The following HES1 variants were observed in gnomAD, a reference collection of about 807,000 sequenced individuals.
The protein encoded by HES1 is transcription factor HES-1.
In HES1, 7 loss-of-function variants were observed where a neutral mutation model predicts 21.0. The observed-to-expected ratio is 0.33, with a 90% confidence interval of 0.19 to 0.63. The LOEUF (loss-of-function observed/expected upper bound fraction) is 0.63. Among genes scored for constraint, HES1 ranks in the 20% least tolerant of loss-of-function variants. The pLI is 0.78. For missense variants in HES1, 338 were observed against 389.8 expected, an observed-to-expected ratio of 0.87 and a Z score of 1.12; for synonymous variants, 169 against 171.2, an observed-to-expected ratio of 0.99 and a Z score of 0.10.
In HES1 at chr3:194,138,714, G is replaced by A. The variant is rs989250386; in HGVS notation, c.*481G>A. ...GGAATTGACTCTTTTGTTATTAAAA[G>A]AACATTTGTAAAAATCCATCAAACT... is the stretch of plus-strand genomic sequence containing the variant. On this transcript the variant is annotated 3_prime_UTR_variant, in exon 4 of 4. Coordinates refer to ENST00000232424, the MANE Select transcript of HES1 (RefSeq NM_005524.4). The A allele has an allele frequency of 6.6e-6, 1 of 152,392 alleles. No individual in the cohort carries two copies. Among genetic ancestry groups the A allele is most frequent in the Non-Finnish European group, 1.5e-5 (1 of 68,176 alleles). The allele number at this position is 152,392 out of a possible 1,614,324, so 9.4% of individuals were successfully genotyped here.
rs952818317 is a variant in HES1 at position 194,137,224 on chromosome 3, G to C, written c.292+176G>C. 1.1e-5 allele frequency: 7 copies of C among 648,724 alleles called. No individual in the cohort carries two copies. In the South Asian group the frequency reaches 1.1e-4, roughly 10 times the overall value. 40.2% of individuals were successfully genotyped at this position (648,724 alleles called of 1,614,324 possible). ...ATAGCCACAACTCCAAGTTGTTACT[G>C]TTCCGGAAAGGGAGGGAAAGAGGTT... On this transcript the variant is annotated intron_variant, in intron 3 of 3. Coordinates refer to ENST00000232424, the MANE Select transcript of HES1 (RefSeq NM_005524.4). This position sits in a 1 kb window ranked among gnomAD's most constrained non-coding sequence, Gnocchi z 5.4.
At position 194,138,145 on chromosome 3, in the gene HES1, G is replaced by A. The variant is rs1715394632; in HGVS notation, c.755G>A (p.Ser252Asn). ...GTCATCCCCGTCTACACCAGCAACA[G>A]CGGCACCTCCGTGGGCCCCAACGCA... The part of the protein sequence containing the change: ...GPVIPVYTSN[S>N]GTSVGPNAVS... The change falls in exon 4 of 4, where the codon AGC (serine) becomes AAC (asparagine). Residue 252 changes from serine (S) to asparagine (N), a missense_variant. Transcript: ENST00000232424. 1 of 1,612,582 alleles carries A rather than the reference G, an allele frequency of 6.2e-7. No homozygotes were observed. The highest frequency in any genetic ancestry group is 1.7e-5 in the Admixed American group (1 of 59,830).
In HES1 at chr3:194,136,375, A is replaced by AAAAT; in HGVS notation, c.-6_-5insAAAT. 4 of 1,512,130 alleles carry AAAAT rather than the reference A, an allele frequency of 2.6e-6. No homozygotes were observed. Among genetic ancestry groups the AAAAT allele is most frequent in the Non-Finnish European group, 3.6e-6 (4 of 1,121,550 alleles). 93.7% of individuals were successfully genotyped at this position (1,512,130 alleles called of 1,614,324 possible). ...CTCTAGAGATAAAAAAAAAAAAAAA[A>AAAAT]GGAAAATGCCAGCTGATATAATGGA... is the stretch of plus-strand genomic sequence containing the variant. On this transcript the variant is annotated 5_prime_UTR_variant, in exon 1 of 4. The change creates a new upstream start codon in the 5' untranslated region. Transcript: ENST00000232424.
In HES1 at chr3:194,137,116, T is replaced by A; in HGVS notation, c.292+68T>A. The A allele has an allele frequency of 7.3e-7, 1 of 1,366,860 alleles. No homozygotes were observed. Among genetic ancestry groups the A allele is most frequent in the Non-Finnish European group, 1.0e-6 (1 of 956,228 alleles). The allele number at this position is 1,366,860 out of a possible 1,614,324, so 84.7% of individuals were successfully genotyped here. On this transcript the variant is annotated intron_variant, in intron 3 of 3. Coordinates refer to ENST00000232424, the MANE Select transcript of HES1 (RefSeq NM_005524.4). This position sits in a 1 kb window ranked among gnomAD's most constrained non-coding sequence, Gnocchi z 5.4. Reference sequence around the variant, plus strand: ...CGCCTCGCGGTGATTTCTTCCAGACTTCCGCCCGTGGTTGTGAGAGGCATT... The same window carrying A: ...CGCCTCGCGGTGATTTCTTCCAGACATCCGCCCGTGGTTGTGAGAGGCATT...
Position 194,136,979 on chromosome 3 carries a change from C to T in HES1, c.223C>T (p.Leu75=), listed in dbSNP as rs1404457891. ...LKKDSSRHSK[L]EKADILEMTV... ...TATGCAGAGCTCGCGGCATTCCAAGCTGGAGAAGGCGGACATTCTGGAAAT... is the reference window on the plus strand; with the variant it reads ...TATGCAGAGCTCGCGGCATTCCAAGTTGGAGAAGGCGGACATTCTGGAAAT... The change falls in exon 3 of 4, where the codon CTG becomes TTG. Residue 75 remains leucine, a synonymous_variant. Transcript: ENST00000232424. 3.1e-6 allele frequency: 5 copies of T among 1,614,242 alleles called. No individual in the cohort carries two copies. The South Asian group carries it at 4.4e-5, about 14-fold the overall frequency.
At chr3:194,136,762 C>G (rs752003910) in intron 2 of HES1, 50 bp downstream of exon 2, 2 of 1,528,154 alleles carry the variant, frequency 1.3e-6, no homozygotes, top group African/African-American at 1.4e-5. Flanking sequence ...CAAACACTTT[C>G]TCAGCTACTA....
Position 194,137,635 on chromosome 3 carries a change from CG to C in HES1, c.293-44del. 6.7e-7 allele frequency: 1 copy of C among 1,496,272 alleles called. No homozygotes were observed. The highest frequency in any genetic ancestry group is 1.4e-5 in the South Asian group (1 of 72,284). 92.7% of individuals were successfully genotyped at this position (1,496,272 alleles called of 1,614,324 possible). A position where few individuals can be genotyped will look rare whatever the true frequency, so the allele number is the denominator to read the frequency against. On this transcript the variant is annotated intron_variant, in intron 3 of 3. Coordinates refer to ENST00000232424, the MANE Select transcript of HES1 (RefSeq NM_005524.4). This position sits in a 1 kb window ranked among gnomAD's most constrained non-coding sequence, Gnocchi z 5.4. Reference sequence around the variant, plus strand: ...CCTCCCAGGGCGGAGGCAGTGGCCACGGGGCCAGGGCCGTTCGGTGACCCGT... The same window carrying C: ...CCTCCCAGGGCGGAGGCAGTGGCCACGGGCCAGGGCCGTTCGGTGACCCGT...
Position 194,137,838 on chromosome 3 carries a change from A to G in HES1, c.448A>G (p.Ile150Val). ...CCACCTGGCCAACTGCATGACCCAG[A>G]TCAATGCCATGACCTACCCCGGGCA... ...LGHLANCMTQ[I>V]NAMTYPGQPH... Residue 150 changes from isoleucine (I) to valine (V), a missense_variant, in exon 4 of 4, where the codon ATC (isoleucine) becomes GTC (valine). By Grantham distance (29) the Ile-to-Val change is conservative (BLOSUM62 3). Transcript: ENST00000232424. This position sits in a 1 kb window ranked among gnomAD's most constrained non-coding sequence, Gnocchi z 5.4. 1 of 1,607,614 alleles carries G rather than the reference A, an allele frequency of 6.2e-7. No individual in the cohort carries two copies. Among genetic ancestry groups the G allele is most frequent in the Non-Finnish European group, 8.5e-7 (1 of 1,177,316 alleles).
At position 194,137,222 on chromosome 3, in the gene HES1, C is replaced by T. The variant is rs776187833; in HGVS notation, c.292+174C>T. 1.5e-6 allele frequency: 1 copy of T among 650,628 alleles called. No homozygotes were observed. The allele number at this position is 650,628 out of a possible 1,614,324, so 40.3% of individuals were successfully genotyped here. A position where few individuals can be genotyped will look rare whatever the true frequency, so the allele number is the denominator to read the frequency against. ...TTATAGCCACAACTCCAAGTTGTTA[C>T]TGTTCCGGAAAGGGAGGGAAAGAGG... is the stretch of plus-strand genomic sequence containing the variant. On this transcript the variant is annotated intron_variant, in intron 3 of 3. Coordinates refer to ENST00000232424, the MANE Select transcript of HES1 (RefSeq NM_005524.4). The surrounding 1 kb of genome is among the most constrained non-coding windows in gnomAD (Gnocchi z 5.4).
rs141717320 is a variant in HES1 at position 194,138,069 on chromosome 3, G to A, written c.679G>A (p.Gly227Ser). ...CTTCCAGGTGGTACCGGCTCCCGATGGCCAGTTTGCTTTCCTCATTCCCAA... is the reference window on the plus strand; with the variant it reads ...CTTCCAGGTGGTACCGGCTCCCGATAGCCAGTTTGCTTTCCTCATTCCCAA... Reference protein sequence around the residue: ...GGFQVVPAPDGQFAFLIPNGA... With the variant: ...GGFQVVPAPDSQFAFLIPNGA... Residue 227 changes from glycine to serine, a missense_variant, in exon 4 of 4, where the codon GGC (glycine) becomes AGC (serine). By Grantham distance (56) the Gly-to-Ser change is moderately conservative (BLOSUM62 0). Coordinates refer to ENST00000232424, the MANE Select transcript of HES1 (RefSeq NM_005524.4). 603 of 1,610,452 alleles carry A rather than the reference G, an allele frequency of 3.7e-4. No individual in the cohort carries two copies. Among genetic ancestry groups the A allele is most frequent in the Admixed American group, 5.5e-4 (33 of 59,630 alleles).
Position 194,138,470 on chromosome 3 carries a change from A to G in HES1, c.*237A>G. 1 of 388,316 alleles carries G rather than the reference A, an allele frequency of 2.6e-6. No homozygotes were observed. The highest frequency in any genetic ancestry group is 4.5e-6 in the Non-Finnish European group (1 of 222,448). The allele number at this position is 388,316 out of a possible 1,614,324, so 24.1% of individuals were successfully genotyped here. Reference sequence around the variant, plus strand: ...ATATTGGATTGCGCCTTTGTATTATAAAAGCTCAGATGACATTTCGTTTTT... The same window carrying G: ...ATATTGGATTGCGCCTTTGTATTATGAAAGCTCAGATGACATTTCGTTTTT... On this transcript the variant is annotated 3_prime_UTR_variant, in exon 4 of 4. Transcript: ENST00000232424.
In HES1 at chr3:194,138,393, G is replaced by A. The variant is rs551670541; in HGVS notation, c.*160G>A. On this transcript the variant is annotated 3_prime_UTR_variant, in exon 4 of 4. Coordinates refer to ENST00000232424, the MANE Select transcript of HES1 (RefSeq NM_005524.4). ...TAAGAAGTTACTTTTTGTAGAGAGA[G>A]CTGTATTAAGTGACTGACCATGCAC... The A allele has an allele frequency of 1.4e-5, 9 of 652,646 alleles. No individual in the cohort carries two copies. Among genetic ancestry groups the A allele is most frequent in the Admixed American group, 3.8e-5 (1 of 26,454 alleles). The allele number at this position is 652,646 out of a possible 1,614,324, so 40.4% of individuals were successfully genotyped here. A position where few individuals can be genotyped will look rare whatever the true frequency, so the allele number is the denominator to read the frequency against.
chr3:194,136,737 C>T lies in HES1; in HGVS notation c.204+25C>T, dbSNP rs147306621. 1.7e-3 allele frequency: 2,661 copies of T among 1,580,744 alleles called. 3 individuals carry two copies. Among genetic ancestry groups the T allele is most frequent in the Non-Finnish European group, 1.5e-3 (1,717 of 1,149,822 alleles). ...TGTAAGTGGGGAAATGCTGCTCGCTCTTTTAATTAAAAAACAAACACTTTC... is the reference window on the plus strand; with the variant it reads ...TGTAAGTGGGGAAATGCTGCTCGCTTTTTTAATTAAAAAACAAACACTTTC... On this transcript the variant is annotated intron_variant, in intron 2 of 3. Coordinates refer to ENST00000232424, the MANE Select transcript of HES1 (RefSeq NM_005524.4).
At position 194,138,057 on chromosome 3, in the gene HES1, C is replaced by T. The variant is rs1475277495; in HGVS notation, c.667C>T (p.Pro223Ser). ...GGTGTTTGGAGGCTTCCAGGTGGTA[C>T]CGGCTCCCGATGGCCAGTTTGCTTT... Reference protein sequence around the residue: ...AKVFGGFQVVPAPDGQFAFLI... With the variant: ...AKVFGGFQVVSAPDGQFAFLI... Residue 223 changes from proline (P) to serine (S), a missense_variant, in exon 4 of 4, where the codon CCG becomes TCG. Coordinates refer to ENST00000232424, the MANE Select transcript of HES1 (RefSeq NM_005524.4). 1.9e-6 allele frequency: 3 copies of T among 1,609,238 alleles called. No homozygotes were observed. The highest frequency in any genetic ancestry group is 2.5e-6 in the Non-Finnish European group (3 of 1,178,506).
chr3:194,136,951 C>T lies in HES1; in HGVS notation c.205-10C>T, dbSNP rs199954308. On this transcript the variant is annotated splice_polypyrimidine_tract_variant and intron_variant, in intron 2 of 3. Transcript: ENST00000232424. The stretch of plus-strand genomic sequence containing the variant: ...GGGGCTCACTTTCCTTTCTTGCCTA[C>T]TCTATGCAGAGCTCGCGGCATTCCA... The T allele has an allele frequency of 3.8e-4, 614 of 1,613,750 alleles. No homozygotes were observed. Among genetic ancestry groups the T allele is most frequent in the Non-Finnish European group, 4.9e-4 (580 of 1,179,566 alleles).
chr3:194,136,933 A>G, intron 2 of HES1, 28 bp from the exon 3 acceptor site: 1 of 1,606,942 alleles, frequency 6.2e-7, no homozygotes, highest in East Asian at 2.2e-5. Flanking sequence ...CACGGGGCTC[A>G]CTTTCCTTTC....
At position 194,137,660 on chromosome 3, in the gene HES1, G is replaced by A. The variant is rs1370441701; in HGVS notation, c.293-23G>A. 1.3e-6 allele frequency: 2 copies of A among 1,556,096 alleles called. No individual in the cohort carries two copies. Among genetic ancestry groups the A allele is most frequent in the Non-Finnish European group, 1.7e-6 (2 of 1,146,216 alleles). On this transcript the variant is annotated intron_variant, in intron 3 of 3. Coordinates refer to ENST00000232424, the MANE Select transcript of HES1 (RefSeq NM_005524.4). The surrounding 1 kb of genome is among the most constrained non-coding windows in gnomAD (Gnocchi z 5.4). ...CGGGGCCAGGGCCGTTCGGTGACCC[G>A]TCTGTCTCTTTCTGGCCCGCAGCTG...
chr3:194,136,550 C>T (rs1715343206), intron 1 of HES1, 62 bp downstream of exon 1: 3 of 1,566,970 alleles, frequency 1.9e-6, no homozygotes, highest in South Asian at 2.3e-5. Context: ...TGGGGGGCTT[C>T]TTTCTGTCTT....
In HES1 at chr3:194,137,100, G is replaced by A; in HGVS notation, c.292+52G>A. 2 of 1,491,850 alleles carry A rather than the reference G, an allele frequency of 1.3e-6. No homozygotes were observed. Among genetic ancestry groups the A allele is most frequent in the Middle Eastern group, 3.6e-4 (2 of 5,516 alleles). The allele number at this position is 1,491,850 out of a possible 1,614,324, so 92.4% of individuals were successfully genotyped here. A position where few individuals can be genotyped will look rare whatever the true frequency, so the allele number is the denominator to read the frequency against. ...GTGCGGGCGTCCCGCTCGCCTCGCG[G>A]TGATTTCTTCCAGACTTCCGCCCGT... On this transcript the variant is annotated intron_variant, in intron 3 of 3. Transcript: ENST00000232424. This position sits in a 1 kb window ranked among gnomAD's most constrained non-coding sequence, Gnocchi z 5.4.
Sources: gnomAD v4.1 joint callset for allele counts on GRCh38, gnomAD v4.1.1 for gene constraint, Gnocchi (gnomAD v3.1) non-coding constraint, MANE v1.5 for transcripts, NCBI Gene and HGNC (gene_info 2026-07-23, HGNC 2026-07-21) for gene names.